Variants in PSMA6 observed in about 807,000 individuals in gnomAD.
PSMA6 encodes proteasome subunit alpha type-6.
For missense variants in PSMA6, 170 were observed against 294.8 expected (o/e 0.58, Z 3.10); for synonymous variants, 88 against 97.7 (o/e 0.90, Z 0.59).
chr14:35,304,656 G>A (rs144400866), intron 1 of PSMA6, among the ~76,000 whole-genome samples: 241 of 151,932 alleles, frequency 1.6e-3, no homozygotes, highest in African/African-American at 5.6e-3. Context: ...CAACCCAGGA[G>A]GCAGGGGTTG....
intron 1 of PSMA6, among the ~76,000 whole-genome samples, chr14:35,286,070 G>T (rs925457394): frequency 1.3e-5 from 2 of 152,206 alleles, no homozygotes; most frequent in South Asian, 4.1e-4. Flanking sequence ...CAGTCAAATA[G>T]TAGGTGGCTT....
In PSMA6 at chr14:35,314,402, C is replaced by T. The variant is rs2138758958; in HGVS notation, c.630C>T (p.Phe210=). The T allele has an allele frequency of 1.2e-6, 2 of 1,611,680 alleles. No individual in the cohort carries two copies. Among genetic ancestry groups the T allele is most frequent in the East Asian group, 4.5e-5 (2 of 44,816 alleles). The change falls in exon 6 of 7, where the codon TTC becomes TTT. Residue 210 remains phenylalanine, a synonymous_variant. Coordinates refer to ENST00000261479, the MANE Select transcript of PSMA6 (RefSeq NM_002791.3). ...TCLSTVLSID[F]KPSEIEVGVV... is the part of the protein sequence containing the mutation. ...TGTCTACTGTTCTATCAATTGATTTCAAACCTTCAGAAATAGAAGTTGGAG... is the reference window on the plus strand; with the variant it reads ...TGTCTACTGTTCTATCAATTGATTTTAAACCTTCAGAAATAGAAGTTGGAG...
Position 35,282,432 on chromosome 14 carries a change from A to AT in PSMA6, c.19+3725dup, listed in dbSNP as rs57454361. On this transcript the variant is annotated intron_variant, in intron 1 of 6. Transcript: ENST00000540871. Reference sequence around the variant, plus strand: ...TAACTTATTTGTAAATTAAAAAAAAATTTTTTTTTTTACAGACAGGGTCTC... The same window carrying AT: ...TAACTTATTTGTAAATTAAAAAAAAATTTTTTTTTTTTACAGACAGGGTCTC... 1.8e-3 allele frequency among the ~76,000 whole-genome samples: 270 copies of AT among 147,072 alleles called. 1 individual carries two copies. The highest frequency in any genetic ancestry group is 1.7e-3 in the Non-Finnish European group (115 of 66,278).
chr14:35,292,467 T>G lies in PSMA6; in HGVS notation c.-10T>G. ...CCAGGGATTGTGTTTAAAGTAGTGC[T>G]TCTACCAACATGTCCCGTGGTTCCA... On this transcript the variant is annotated 5_prime_UTR_variant, in exon 1 of 7. Transcript: ENST00000261479. 1 of 1,613,096 alleles carries G rather than the reference T, an allele frequency of 6.2e-7. No homozygotes were observed. Among genetic ancestry groups the G allele is most frequent in the South Asian group, 1.1e-5 (1 of 90,984 alleles).
At chr14:35,303,248 A>G (rs2051752149) in intron 1 of PSMA6, among the ~76,000 whole-genome samples, 1 of 152,150 alleles carries the variant, frequency 6.6e-6, no homozygotes, top group South Asian at 2.1e-4. Flanking sequence ...GTGGCATCTT[A>G]AATCTCACTC....
At chr14:35,279,046 C>G (rs1252045797) in intron 1 of PSMA6, among the ~76,000 whole-genome samples, 1 of 151,100 alleles carries the variant, frequency 6.6e-6, no homozygotes, top group Non-Finnish European at 1.5e-5. Context: ...CTCATGTATT[C>G]TTTTTTGTGT....
intron 4 of PSMA6, among the ~76,000 whole-genome samples, chr14:35,312,220 A>T (rs1388431954): frequency 8.1e-6 from 1 of 123,602 alleles, no homozygotes; most frequent in Non-Finnish European, 1.7e-5. Context: ...AAAAAAAAAA[A>T]GGTTGGCCAG....
At chr14:35,292,293 G>T, upstream of PSMA6, 1 of 1,417,446 alleles carries the variant, frequency 7.1e-7, no homozygotes, top group Non-Finnish European at 9.2e-7. Context: ...CACCCCCTTA[G>T]GGGGCGGGGC....
At chr14:35,311,700 T>C (rs2051947191) in intron 4 of PSMA6, among the ~76,000 whole-genome samples, 1 of 152,166 alleles carries the variant, frequency 6.6e-6, no homozygotes, top group South Asian at 2.1e-4. Flanking sequence ...TTAATGATGG[T>C]GTTTATTTTA....
chr14:35,293,348 T>C, intron 1 of PSMA6: 1 of 206,848 alleles, frequency 4.8e-6, no homozygotes, highest in South Asian at 6.1e-5. Context: ...AATAGTAATG[T>C]ATTGCGCTGA....
chr14:35,309,973 A>G (rs555774077), intron 3 of PSMA6, among the ~76,000 whole-genome samples: 12 of 152,114 alleles, frequency 7.9e-5, no homozygotes, highest in African/African-American at 2.9e-4. Context: ...CTCCATTTGA[A>G]GAAGAAAAAA....
At chr14:35,281,754 T>C (rs1202398530) in intron 1 of PSMA6, among the ~76,000 whole-genome samples, 1 of 152,208 alleles carries the variant, frequency 6.6e-6, no homozygotes, top group Non-Finnish European at 1.5e-5. Context: ...CCTAGGTTAC[T>C]TAAAAAGAAA....
upstream of PSMA6, among the ~76,000 whole-genome samples, chr14:35,289,513 G>T (rs767543799): frequency 2.0e-5 from 3 of 151,886 alleles, no homozygotes; most frequent in South Asian, 6.2e-4. Flanking sequence ...TGTTGTTGTT[G>T]TATTTTAATA....
chr14:35,295,454 T>A (rs533546872), intron 1 of PSMA6, among the ~76,000 whole-genome samples: 1 of 151,868 alleles, frequency 6.6e-6, no homozygotes, highest in Non-Finnish European at 1.5e-5. Flanking sequence ...TTTTCTTTTT[T>A]TTTTTTTTCC....
intron 1 of PSMA6, among the ~76,000 whole-genome samples, chr14:35,283,773 G>A (rs1201556128): frequency 1.3e-5 from 2 of 151,994 alleles, no homozygotes; most frequent in Non-Finnish European, 2.9e-5. Context: ...TTGCCATGTT[G>A]CCCAAGCTGG....
intron 1 of PSMA6, among the ~76,000 whole-genome samples, chr14:35,303,833 A>G (rs2138735993): frequency 6.6e-6 from 1 of 152,334 alleles, no homozygotes; most frequent in Middle Eastern, 3.4e-3. Context: ...ATTATTCGCT[A>G]AACAATGTAG....
At chr14:35,308,201 C>A in intron 2 of PSMA6, 113 bp downstream of exon 2, 1 of 1,385,586 alleles carries the variant, frequency 7.2e-7, no homozygotes, top group South Asian at 1.3e-5. Flanking sequence ...GTGGGCAGAT[C>A]ACCTTAGATC....
intron 1 of PSMA6, among the ~76,000 whole-genome samples, chr14:35,306,983 C>G (rs1020616694): frequency 1.3e-5 from 2 of 151,796 alleles, no homozygotes; most frequent in African/African-American, 4.8e-5. Flanking sequence ...CCCATCTTTA[C>G]TAAAAATACA....
chr14:35,291,246 C>T (rs1439183352), upstream of PSMA6, among the ~76,000 whole-genome samples: 5 of 148,002 alleles, frequency 3.4e-5, no homozygotes, highest in Non-Finnish European at 7.4e-5. Context: ...GAGACGGAGT[C>T]TCGCTCTGTC....
Sources: allele counts gnomAD v4.1 joint callset (sites outside exome capture counted in the v4.1 genomes callset), GRCh38; gene constraint gnomAD v4.1.1; transcripts MANE v1.5; gene names NCBI Gene and HGNC (gene_info 2026-07-23, HGNC 2026-07-21).